The following DHRS7 variants were observed in gnomAD, a reference collection of about 807,000 sequenced individuals.
DHRS7 encodes dehydrogenase/reductase SDR family member 7.
A neutral mutation model predicts 38.9 loss-of-function variants in DHRS7; 34 were observed. That is an observed-to-expected ratio of 0.87 (90% CI 0.66 to 1.16). The LOEUF is 1.16. Ranked by LOEUF, DHRS7 falls within the 50% of genes most tolerant of loss-of-function variation. DHRS7 has a pLI of 0.00. For synonymous variants in DHRS7, 158 were observed against 153.1 expected (o/e 1.03, Z -0.24); for missense variants, 421 against 407.0 (o/e 1.03, Z -0.30).
chr14:60,153,853 C>A lies in DHRS7; in HGVS notation c.393+106G>T. The A allele has an allele frequency of 2.2e-6, 2 of 914,592 alleles. No individual in the cohort carries two copies. Among genetic ancestry groups the A allele is most frequent in the Non-Finnish European group, 3.5e-6 (2 of 566,738 alleles). The allele number at this position is 914,592 out of a possible 1,614,324, so 56.7% of individuals were successfully genotyped here. On this transcript the variant is annotated intron_variant, in intron 3 of 6. Coordinates refer to ENST00000557185, the MANE Select transcript of DHRS7 (RefSeq NM_016029.4). This position sits in a 1 kb window ranked among gnomAD's most constrained non-coding sequence, Gnocchi z 4.4. Reference sequence around the variant, plus strand: ...CCAACTCATGGGCCCGATCTCACTGCATGGACCCCACTTGCCTAAAGCCCT... The same window carrying A: ...CCAACTCATGGGCCCGATCTCACTGAATGGACCCCACTTGCCTAAAGCCCT...
upstream of DHRS7, chr14:60,166,220 A>G (rs756058793): frequency 2.0e-6 from 2 of 985,274 alleles, no homozygotes; most frequent in South Asian, 4.7e-5. Context: ...TGAGGCATCA[A>G]TAGTAGCATC....
At position 60,161,229 on chromosome 14, in the gene DHRS7, C is replaced by T. The variant is rs1896759293; in HGVS notation, c.133+3948G>A. 6.6e-6 allele frequency among the ~76,000 whole-genome samples: 1 copy of T among 152,060 alleles called. No individual in the cohort carries two copies. The highest frequency in any genetic ancestry group is 1.5e-5 in the Non-Finnish European group (1 of 68,012). On this transcript the variant is annotated intron_variant, in intron 1 of 6. Coordinates refer to ENST00000557185, the MANE Select transcript of DHRS7 (RefSeq NM_016029.4). This position sits in a 1 kb window ranked among gnomAD's most constrained non-coding sequence, Gnocchi z 4.2. The stretch of plus-strand genomic sequence containing the variant: ...AAAATGTTATAATAGGAAAAGGGAT[C>T]CACTAATATAGCTTATGGTTATTAG...
rs1469290977 is a variant in DHRS7, at chr14:60,145,176, C to T, written c.973-163G>A. 7.5e-5 allele frequency: 38 copies of T among 507,800 alleles called. No homozygotes were observed. The highest frequency in any genetic ancestry group is 1.0e-4 in the Non-Finnish European group (30 of 300,346). The allele number at this position is 507,800 out of a possible 1,614,324, so 31.5% of individuals were successfully genotyped here. ...TTAAATTAGAATTTAAAAATCATAGCCAAAATTCTAGATGTACACAAAAGT... is the reference window on the plus strand; with the variant it reads ...TTAAATTAGAATTTAAAAATCATAGTCAAAATTCTAGATGTACACAAAAGT... On this transcript the variant is annotated intron_variant, in intron 6 of 6. Coordinates refer to ENST00000557185, the MANE Select transcript of DHRS7 (RefSeq NM_016029.4). The surrounding 1 kb of genome is among the most constrained non-coding windows in gnomAD (Gnocchi z 4.0).
chr14:60,159,319 A>G, intron 1 of DHRS7: 1 of 433,616 alleles, frequency 2.3e-6, no homozygotes, highest in South Asian at 2.0e-5. Flanking sequence ...ACAAAAAGCA[A>G]AAGAAAATAC....
chr14:60,158,232 GAAA>G (rs34207942), intron 1 of DHRS7, among the ~76,000 whole-genome samples: 9 of 83,198 alleles, frequency 1.1e-4, no homozygotes, highest in East Asian at 4.0e-4. Context: ...GACTCTGTCG[GAAA>G]AAAAAAAAAA....
At chr14:60,150,229 TACAG>T (rs778524363) in intron 4 of DHRS7, 42 bp from the exon 5 acceptor site, 2 of 1,431,938 alleles carry the variant, frequency 1.4e-6, no homozygotes, top group South Asian at 3.0e-5. Flanking sequence ...GGCAAATAAA[TACAG>T]ACACATATCT....
chr14:60,145,814 C>A lies in DHRS7; in HGVS notation c.973-801G>T, dbSNP rs1896391281. The A allele has an allele frequency of 6.6e-6, 1 of 151,962 alleles. No homozygotes were observed. The highest frequency in any genetic ancestry group is 6.6e-5 in the Admixed American group (1 of 15,228). The allele number at this position is 151,962 out of a possible 1,614,324, so 9.4% of individuals were successfully genotyped here. A position where few individuals can be genotyped will look rare whatever the true frequency, so the allele number is the denominator to read the frequency against. ...CATTTACCACTTTCAAAACTTTGCA[C>A]TAAGAAAGACAAAATAATAATAATG... On this transcript the variant is annotated intron_variant, in intron 6 of 6. Coordinates refer to ENST00000557185, the MANE Select transcript of DHRS7 (RefSeq NM_016029.4). The surrounding 1 kb of genome is among the most constrained non-coding windows in gnomAD (Gnocchi z 4.0).
upstream of DHRS7, chr14:60,168,578 A>G (rs1896894791): frequency 7.8e-7 from 1 of 1,279,172 alleles, no homozygotes; most frequent in Non-Finnish European, 1.1e-6. Context: ...ATCATTTTAA[A>G]GTAAAAAGTT....
upstream of DHRS7, chr14:60,169,838 C>G (rs546091838): frequency 6.6e-6 from 1 of 152,396 alleles, no homozygotes; most frequent in Admixed American, 6.5e-5. Context: ...ATTCCGAACC[C>G]TAAGCAGTCT....
rs1347765181 is a variant in DHRS7, at chr14:60,146,787, C to T, written c.973-1774G>A. The stretch of plus-strand genomic sequence containing the variant: ...TGTGAAAACATGGATAATGAATGGA[C>T]GTTAATGCTAAGTGATATAAGCAAG... On this transcript the variant is annotated intron_variant, in intron 6 of 6. Coordinates refer to ENST00000557185, the MANE Select transcript of DHRS7 (RefSeq NM_016029.4). The surrounding 1 kb of genome is among the most constrained non-coding windows in gnomAD (Gnocchi z 4.9). 1.3e-5 allele frequency: 2 copies of T among 151,964 alleles called. No homozygotes were observed. Among genetic ancestry groups the T allele is most frequent in the East Asian group, 1.9e-4 (1 of 5,192 alleles). The allele number at this position is 151,964 out of a possible 1,614,324, so 9.4% of individuals were successfully genotyped here. A position where few individuals can be genotyped will look rare whatever the true frequency, so the allele number is the denominator to read the frequency against.
At chr14:60,155,750 G>A (rs1714760724) in intron 2 of DHRS7, 1 of 299,368 alleles carries the variant, frequency 3.3e-6, no homozygotes, top group Non-Finnish European at 6.0e-6. Context: ...AAATCCACCA[G>A]CATTTTATAT....
Position 60,152,983 on chromosome 14 carries a change from C to T in DHRS7, c.589G>A (p.Val197Ile). The T allele has an allele frequency of 6.2e-7, 1 of 1,614,130 alleles. No individual in the cohort carries two copies. The highest frequency in any genetic ancestry group is 8.5e-7 in the Non-Finnish European group (1 of 1,179,980). The part of the protein sequence containing the change: ...TVNSILGIIS[V>I]PLSIGYCASK... ...GCACAGTATCCAATGGAAAGAGGTACAGATATGATACCCAGGATGCTATTC... is the reference window on the plus strand; with the variant it reads ...GCACAGTATCCAATGGAAAGAGGTATAGATATGATACCCAGGATGCTATTC... The change falls in exon 4 of 7, where the codon GTA (valine) becomes ATA (isoleucine). Residue 197 changes from valine to isoleucine, a missense_variant. Physicochemically the swap from Val to Ile is conservative, Grantham distance 29. Transcript: ENST00000557185.
chr14:60,162,943 G>A lies in DHRS7; in HGVS notation c.133+2234C>T, dbSNP rs1157259351. Among the ~76,000 whole-genome samples the A allele has an allele frequency of 1.3e-5, 2 of 152,192 alleles. No individual in the cohort carries two copies. Among genetic ancestry groups the A allele is most frequent in the African/African-American group, 4.8e-5 (2 of 41,444 alleles). On this transcript the variant is annotated intron_variant, in intron 1 of 6. Transcript: ENST00000557185. This position sits in a 1 kb window ranked among gnomAD's most constrained non-coding sequence, Gnocchi z 4.5. Reference sequence around the variant, plus strand: ...CCAACACTTTGGGAGGCAGAGCGGGGTGGATCACCTGAGGTCAGGGGTTTG... The same window carrying A: ...CCAACACTTTGGGAGGCAGAGCGGGATGGATCACCTGAGGTCAGGGGTTTG...
At chr14:60,169,132 C>CAAAAAAAAAAAAAAA (rs1566539341), upstream of DHRS7, 2 of 31,096 alleles carry the variant, frequency 6.4e-5, no homozygotes, top group African/African-American at 3.1e-4. Context: ...ACAAAAGAAA[C>CAAAAAAAAAAAAAAA]CAAAAAAAAA....
At chr14:60,168,665 T>C (rs1236340601), upstream of DHRS7, 2 of 1,540,262 alleles carry the variant, frequency 1.3e-6, no homozygotes, top group Non-Finnish European at 1.7e-6. Flanking sequence ...CTTTTTCCTC[T>C]CCTTCTCTTT....
Position 60,149,373 on chromosome 14 carries a change from C to G in DHRS7, c.952G>C (p.Glu318Gln). ...ITNKMGKKRI[E>Q]NFKSGVDADS... Reference sequence around the variant, plus strand: ...CTTACCACACCACTCTTAAAGTTCTCAATCCTTTTCTTCCCCATCTTGTTG... The same window carrying G: ...CTTACCACACCACTCTTAAAGTTCTGAATCCTTTTCTTCCCCATCTTGTTG... The change falls in exon 6 of 7, where the codon GAG becomes CAG. Residue 318 changes from glutamate to glutamine, a missense_variant. Physicochemically the swap from Glu to Gln is conservative, Grantham distance 29. Coordinates refer to ENST00000557185, the MANE Select transcript of DHRS7 (RefSeq NM_016029.4). 1 of 1,614,144 alleles carries G rather than the reference C, an allele frequency of 6.2e-7. No homozygotes were observed. Among genetic ancestry groups the G allele is most frequent in the Non-Finnish European group, 8.5e-7 (1 of 1,180,002 alleles).
At position 60,153,795 on chromosome 14, in the gene DHRS7, T is replaced by G. The variant is rs1024791456; in HGVS notation, c.393+164A>C. Among the ~76,000 whole-genome samples the G allele has an allele frequency of 1.3e-5, 2 of 152,156 alleles. No individual in the cohort carries two copies. Among genetic ancestry groups the G allele is most frequent in the African/African-American group, 2.4e-5 (1 of 41,436 alleles). ...TTGTTAAGACATGAAAAGTACTAAT[T>G]CCATAATGACAAAGGCTCAGAGATT... On this transcript the variant is annotated intron_variant, in intron 3 of 6. Transcript: ENST00000557185. The surrounding 1 kb of genome is among the most constrained non-coding windows in gnomAD (Gnocchi z 4.4).
At chr14:60,166,516 T>A (rs554107082), upstream of DHRS7, among the ~76,000 whole-genome samples, 1 of 152,232 alleles carries the variant, frequency 6.6e-6, no homozygotes, top group Admixed American at 6.5e-5. Context: ...GTTTTCTTTT[T>A]CTAGTCTTGC....
In DHRS7 at chr14:60,144,777, C is replaced by CT. The variant is rs2140581142; in HGVS notation, c.*188dup. ...CCAAGAATATAGTATGAGTTAATAC[C>CT]TTTTTTGCAAGATTCATGGCAATCT... On this transcript the variant is annotated 3_prime_UTR_variant, in exon 7 of 7. Transcript: ENST00000557185. 1 of 584,362 alleles carries CT rather than the reference C, an allele frequency of 1.7e-6. No individual in the cohort carries two copies. The highest frequency in any genetic ancestry group is 3.0e-5 in the Admixed American group (1 of 33,028). The allele number at this position is 584,362 out of a possible 1,614,324, so 36.2% of individuals were successfully genotyped here. A position where few individuals can be genotyped will look rare whatever the true frequency, so the allele number is the denominator to read the frequency against.
Sources: allele counts gnomAD v4.1 joint callset (sites outside exome capture counted in the v4.1 genomes callset), GRCh38; gene constraint gnomAD v4.1.1; non-coding constraint Gnocchi (gnomAD v3.1); transcripts MANE v1.5; gene names NCBI Gene and HGNC (gene_info 2026-07-23, HGNC 2026-07-21).